Variants in SGPL1 observed in about 807,000 individuals in gnomAD.
SGPL1 encodes the protein sphingosine-1-phosphate lyase 1.
A neutral mutation model predicts 68.9 loss-of-function variants in SGPL1; 37 were observed. The observed-to-expected ratio is 0.54, with a 90% CI of 0.41 to 0.71. SGPL1 has a LOEUF of 0.71. Ranked by LOEUF, SGPL1 falls within the 30% of genes least tolerant of loss-of-function variation. The probability of loss-of-function intolerance (pLI) is 0.00; values close to 1 mark genes in which losing one functional copy is unlikely to be tolerated. For synonymous variants in SGPL1, 236 were observed against 248.5 expected, an observed-to-expected ratio of 0.95 and a Z score of 0.47; for missense variants, 551 against 704.6, an observed-to-expected ratio of 0.78 and a Z score of 2.47.
chr10:70,848,040 T>C (rs1845817823), intron 3 of SGPL1, among the ~76,000 whole-genome samples: 1 of 152,244 alleles, frequency 6.6e-6, no homozygotes, highest in Admixed American at 6.5e-5. Context: ...GCTCACAGTT[T>C]ATTACTTTTA....
rs367996529 is a variant in SGPL1, at chr10:70,857,715, G to T, written c.486+25G>T. On this transcript the variant is annotated intron_variant, in intron 6 of 14. Coordinates refer to ENST00000373202, the MANE Select transcript of SGPL1 (RefSeq NM_003901.4). ...GGTGAGTGTCCAGTTCTTGAGGGAA[G>T]CCTGTGAGGTCTGTGCCAGTTTACA... 7.8e-6 allele frequency: 12 copies of T among 1,538,788 alleles called. No homozygotes were observed. The African/African-American group carries it at 1.2e-4, about 16-fold the overall frequency.
rs1589473448 is a variant in SGPL1, at chr10:70,868,386, A to G, written c.657A>G (p.Lys219=). ...GGTESILMAC[K]AYRDLAFEKG... ...CAGAAAGCATACTGATGGCCTGCAA[A>G]GCATATCGGGATCTGGCCTTTGAGA... The change falls in exon 8 of 15, where the codon AAA becomes AAG. Residue 219 remains lysine, a synonymous_variant. Coordinates refer to ENST00000373202, the MANE Select transcript of SGPL1 (RefSeq NM_003901.4). The G allele has an allele frequency of 3.7e-6, 6 of 1,613,852 alleles. No homozygotes were observed. The highest frequency in any genetic ancestry group is 5.1e-6 in the Non-Finnish European group (6 of 1,179,860).
chr10:70,856,296 T>G (rs2131906452), intron 5 of SGPL1, among the ~76,000 whole-genome samples: 1 of 152,270 alleles, frequency 6.6e-6, no homozygotes, highest in South Asian at 2.1e-4. Flanking sequence ...GTGCTCGGCC[T>G]TGACAAATAC....
intron 13 of SGPL1, 31 bp downstream of exon 13, chr10:70,875,579 T>C: frequency 6.3e-7 from 1 of 1,582,720 alleles, no homozygotes; most frequent in Non-Finnish European, 8.6e-7. Flanking sequence ...TTCCCTTATT[T>C]TGCTCCATGA....
chr10:70,871,675 A>C (rs1267625571), intron 10 of SGPL1, among the ~76,000 whole-genome samples, 162 bp from the exon 11 acceptor site: 1 of 152,256 alleles, frequency 6.6e-6, no homozygotes, highest in Non-Finnish European at 1.5e-5. Flanking sequence ...TTTGAAAGAT[A>C]AATTTTGTTG....
chr10:70,818,213 C>T (rs1373834784), intron 2 of SGPL1, among the ~76,000 whole-genome samples: 8 of 152,214 alleles, frequency 5.3e-5, no homozygotes, highest in South Asian at 2.1e-4. Flanking sequence ...CTTTGCCTCC[C>T]GGGTTCAAGC....
chr10:70,864,946 T>C (rs932485434), intron 7 of SGPL1, among the ~76,000 whole-genome samples: 2 of 152,226 alleles, frequency 1.3e-5, no homozygotes, highest in African/African-American at 2.4e-5. Flanking sequence ...CCCTTTGAGC[T>C]CTGATTATTT....
intron 2 of SGPL1, 105 bp from the exon 3 acceptor site, chr10:70,844,368 C>G: frequency 1.0e-6 from 1 of 986,332 alleles, no homozygotes; most frequent in South Asian, 1.7e-5. Context: ...GGGCAAGATC[C>G]GGAATGACCT....
At chr10:70,859,270 A>G in intron 6 of SGPL1, 101 bp from the exon 7 acceptor site, 1 of 835,772 alleles carries the variant, frequency 1.2e-6, no homozygotes, top group Non-Finnish European at 1.6e-6. Flanking sequence ...TCCAGTTTAT[A>G]TTGTTGTGCC....
intron 7 of SGPL1, among the ~76,000 whole-genome samples, chr10:70,862,444 G>C (rs1379476091): frequency 1.3e-5 from 2 of 152,108 alleles, no homozygotes; most frequent in Non-Finnish European, 2.9e-5. Context: ...AGCAGGATGT[G>C]GGTGGGGCCA....
In SGPL1 at chr10:70,859,531, T is replaced by G. The variant is rs184929689; in HGVS notation, c.615+32T>G. 84 of 1,321,516 alleles carry G rather than the reference T, an allele frequency of 6.4e-5. 1 individual carries two copies. The East Asian group carries it at 2.0e-3, about 31-fold the overall frequency. The allele number at this position is 1,321,516 out of a possible 1,614,324, so 81.9% of individuals were successfully genotyped here. A position where few individuals can be genotyped will look rare whatever the true frequency, so the allele number is the denominator to read the frequency against. On this transcript the variant is annotated intron_variant, in intron 7 of 14. Coordinates refer to ENST00000373202, the MANE Select transcript of SGPL1 (RefSeq NM_003901.4). ...ATATGCAAGGGGCATCCAATAGCCTTATTTTTTAGGTTAAAATAGAAGAGT... is the reference window on the plus strand; with the variant it reads ...ATATGCAAGGGGCATCCAATAGCCTGATTTTTTAGGTTAAAATAGAAGAGT...
intron 3 of SGPL1, 90 bp downstream of exon 3, chr10:70,844,728 T>G: frequency 7.8e-7 from 1 of 1,278,150 alleles, no homozygotes; most frequent in Non-Finnish European, 1.1e-6. Context: ...TATTGCCTTT[T>G]GGTTGTTTTT....
intron 2 of SGPL1, among the ~76,000 whole-genome samples, chr10:70,838,031 C>T (rs986593996): frequency 5.3e-5 from 8 of 152,206 alleles, no homozygotes; most frequent in Admixed American, 4.6e-4. Flanking sequence ...TAAATCACCT[C>T]TTAAAGATCC....
chr10:70,875,239 C>T (rs1190203687), intron 12 of SGPL1, among the ~76,000 whole-genome samples, 163 bp from the exon 13 acceptor site: 2 of 152,176 alleles, frequency 1.3e-5, no homozygotes, highest in Non-Finnish European at 2.9e-5. Context: ...AACCACTGAT[C>T]CAGTGTAGCC....
rs1198256847 is a variant in SGPL1 at position 70,838,099 on chromosome 10, A to G, written c.28-6374A>G. ...TTTCAACGTGAGTTTTAGGGGGGAC[A>G]TTCAAATCATAACAGGTAGTTAGCC... On this transcript the variant is annotated intron_variant, in intron 2 of 14. Transcript: ENST00000373202. Among the ~76,000 whole-genome samples, 3 of 152,224 alleles carry G rather than the reference A, an allele frequency of 2.0e-5. No homozygotes were observed. The East Asian group carries it at 5.8e-4, about 29-fold the overall frequency.
At chr10:70,856,623 A>G (rs1845967828) in intron 5 of SGPL1, among the ~76,000 whole-genome samples, 1 of 152,156 alleles carries the variant, frequency 6.6e-6, no homozygotes, top group South Asian at 2.1e-4. Flanking sequence ...GAAAGAGTGA[A>G]AGTCAAACGG....
At chr10:70,822,252 T>A (rs1236101033) in intron 2 of SGPL1, among the ~76,000 whole-genome samples, 1 of 152,228 alleles carries the variant, frequency 6.6e-6, no homozygotes, top group Non-Finnish European at 1.5e-5. Flanking sequence ...GAGTGGCCAT[T>A]GCAGGATGAA....
At chr10:70,838,483 T>G (rs925145949) in intron 2 of SGPL1, among the ~76,000 whole-genome samples, 10 of 152,206 alleles carry the variant, frequency 6.6e-5, no homozygotes, top group Admixed American at 1.3e-4. Context: ...AGGAAGTAAC[T>G]CATGACTAGA....
Position 70,852,700 on chromosome 10 carries a change from GTGTGTA to G in SGPL1, c.261+1496_261+1501del, listed in dbSNP as rs1264730165. On this transcript the variant is annotated intron_variant, in intron 4 of 14. Coordinates refer to ENST00000373202, the MANE Select transcript of SGPL1 (RefSeq NM_003901.4). ...GAGGCTTAGATACAAAAAATTACAT[GTGTGTA>G]TGTGTGTGTGTGTGTGTGTGTGCGC... 5.8e-4 allele frequency among the ~76,000 whole-genome samples: 72 copies of G among 124,778 alleles called. No homozygotes were observed. In the South Asian group the frequency reaches 0.02, roughly 34 times the overall value. 81.9% of individuals were successfully genotyped at this position (124,778 alleles called of 152,430 possible). A position where few individuals can be genotyped will look rare whatever the true frequency, so the allele number is the denominator to read the frequency against.
Sources: gnomAD v4.1 joint callset for allele counts (sites outside exome capture counted in the v4.1 genomes callset) on GRCh38, gnomAD v4.1.1 for gene constraint, MANE v1.5 for transcripts, NCBI Gene and HGNC (gene_info 2026-07-23, HGNC 2026-07-21) for gene names.